HMGCLL1: variants seen among roughly 807,000 people sequenced by gnomAD.
The protein encoded by HMGCLL1 is 3-hydroxy-3-methylglutaryl-CoA lyase like 1.
A neutral mutation model predicts 39.1 loss-of-function variants in HMGCLL1; 36 were observed. The observed-to-expected ratio is 0.92, with a 90% CI of 0.71 to 1.22. The LOEUF (loss-of-function observed/expected upper bound fraction) is 1.22, where lower values mean the gene tolerates loss of function less well. HMGCLL1 is among the 50% of genes most tolerant of loss of function. The pLI, the probability that HMGCLL1 is intolerant of heterozygous loss-of-function variation, is 0.00. For synonymous variants in HMGCLL1, 149 were observed against 144.0 expected (o/e 1.03, Z -0.25); for missense variants, 451 against 416.5 (o/e 1.08, Z -0.72).
intron 5 of HMGCLL1, among the ~76,000 whole-genome samples, chr6:55,505,759 T>A (rs76162114): frequency 0.011 from 1,641 of 151,872 alleles, 34 homozygotes; most frequent in African/African-American, 0.038. Context: ...CCTAAAGCTG[T>A]ATATGCCTGT....
At chr6:55,494,968 A>G (rs1195684599) in intron 7 of HMGCLL1, among the ~76,000 whole-genome samples, 1 of 152,196 alleles carries the variant, frequency 6.6e-6, no homozygotes, top group Admixed American at 6.5e-5. Flanking sequence ...AAAACATTTT[A>G]AGCAAAATAT....
At chr6:55,543,029 T>G (rs1354158398) in intron 1 of HMGCLL1, among the ~76,000 whole-genome samples, 2 of 115,294 alleles carry the variant, frequency 1.7e-5, no homozygotes, top group Non-Finnish European at 3.3e-5. Context: ...TATAGATATA[T>G]AATACATCAT....
intron 3 of HMGCLL1, 137 bp from the exon 4 acceptor site, chr6:55,516,740 T>C (rs1767761941): frequency 2.0e-6 from 1 of 500,462 alleles, no homozygotes; most frequent in Non-Finnish European, 3.6e-6. Flanking sequence ...AAAATGCCAG[T>C]GAATGTAAAG....
intron 1 of HMGCLL1, among the ~76,000 whole-genome samples, chr6:55,572,326 G>A (rs1771542557): frequency 6.6e-6 from 1 of 152,048 alleles, no homozygotes; most frequent in Non-Finnish European, 1.5e-5. Flanking sequence ...TATGACAATA[G>A]AGGTAAAATA....
chr6:55,669,604 C>A, the HMGCLL1 span, among the ~76,000 whole-genome samples: 1 of 151,800 alleles, frequency 6.6e-6, no homozygotes, highest in Admixed American at 6.6e-5. Context: ...AAAAAGCCAT[C>A]ACGAAGTCTT....
At chr6:55,494,177 T>G (rs538701341) in intron 7 of HMGCLL1, among the ~76,000 whole-genome samples, 4 of 152,262 alleles carry the variant, frequency 2.6e-5, no homozygotes, top group African/African-American at 9.6e-5. Context: ...GAAGCAGAAG[T>G]TTGGGCAGGT....
At chr6:55,650,278 T>G in the HMGCLL1 span, among the ~76,000 whole-genome samples, 1 of 151,322 alleles carries the variant, frequency 6.6e-6, no homozygotes, top group East Asian at 2.0e-4. Flanking sequence ...GTTAGGTACT[T>G]ATCACATAGT....
At chr6:55,551,770 T>C (rs1247655021) in intron 1 of HMGCLL1, among the ~76,000 whole-genome samples, 2 of 152,050 alleles carry the variant, frequency 1.3e-5, no homozygotes, top group Admixed American at 1.3e-4. Flanking sequence ...AGTTGCAGTA[T>C]TTTTGCAAAA....
intron 7 of HMGCLL1, among the ~76,000 whole-genome samples, chr6:55,472,991 T>C (rs1256189956): frequency 6.6e-6 from 1 of 151,506 alleles, no homozygotes; most frequent in Non-Finnish European, 1.5e-5. Context: ...TTATATAACA[T>C]ACTACCATAT....
the HMGCLL1 span, among the ~76,000 whole-genome samples, chr6:55,594,642 G>C: frequency 5.3e-5 from 8 of 152,270 alleles, no homozygotes; most frequent in African/African-American, 1.4e-4. Flanking sequence ...CAGGGTGCTA[G>C]CTGATAAGAT....
chr6:55,567,998 A>G (rs1354014926), intron 1 of HMGCLL1, among the ~76,000 whole-genome samples: 2 of 152,156 alleles, frequency 1.3e-5, no homozygotes, highest in Non-Finnish European at 2.9e-5. Context: ...TGGCAGTCAT[A>G]TAAACTATAT....
chr6:55,448,604 C>T (rs2127387094), intron 7 of HMGCLL1, among the ~76,000 whole-genome samples: 1 of 152,102 alleles, frequency 6.6e-6, no homozygotes, highest in African/African-American at 2.4e-5. Context: ...CTATCTCAGG[C>T]TCACATGGCT....
At chr6:55,467,702 T>C (rs755904198) in intron 7 of HMGCLL1, among the ~76,000 whole-genome samples, 1 of 152,106 alleles carries the variant, frequency 6.6e-6, no homozygotes, top group Non-Finnish European at 1.5e-5. Flanking sequence ...GGAGTGTTTC[T>C]GTTGAAACTA....
chr6:55,551,834 T>C (rs1043354613), intron 1 of HMGCLL1, among the ~76,000 whole-genome samples: 5 of 152,214 alleles, frequency 3.3e-5, no homozygotes, highest in African/African-American at 1.2e-4. Context: ...GGATGAAAGC[T>C]TTCTTTTCTG....
intron 5 of HMGCLL1, among the ~76,000 whole-genome samples, chr6:55,506,571 T>C (rs893068281): frequency 6.6e-6 from 1 of 151,684 alleles, no homozygotes; most frequent in Non-Finnish European, 1.5e-5. Context: ...CTGAATAACA[T>C]GATGAAATCT....
chr6:55,605,766 T>G, the HMGCLL1 span, among the ~76,000 whole-genome samples: 1 of 152,168 alleles, frequency 6.6e-6, no homozygotes, highest in Admixed American at 6.6e-5. Flanking sequence ...GTATTACCAC[T>G]GCATCAACTC....
At chr6:55,466,852 CT>C (rs1764816099) in intron 7 of HMGCLL1, among the ~76,000 whole-genome samples, 1 of 152,070 alleles carries the variant, frequency 6.6e-6, no homozygotes, top group African/African-American at 2.4e-5. Flanking sequence ...CACTTCCCTG[CT>C]TAAAACTCTT....
chr6:55,636,333 G>T, the HMGCLL1 span, among the ~76,000 whole-genome samples: 21 of 152,194 alleles, frequency 1.4e-4, no homozygotes, highest in East Asian at 2.9e-3. Context: ...GATCAAGATG[G>T]AACATCAACA....
chr6:55,459,014 T>C (rs1764444626), intron 7 of HMGCLL1, among the ~76,000 whole-genome samples: 1 of 152,190 alleles, frequency 6.6e-6, no homozygotes, highest in Non-Finnish European at 1.5e-5. Context: ...AGCTTCTTAC[T>C]AGAGAGTGCA....
Sources: allele counts gnomAD v4.1 joint callset (sites outside exome capture counted in the v4.1 genomes callset), GRCh38; gene constraint gnomAD v4.1.1; transcripts MANE v1.5; gene names NCBI Gene and HGNC (gene_info 2026-07-23, HGNC 2026-07-21).